NUB1: variants seen among roughly 807,000 people sequenced by gnomAD.
NUB1 encodes the protein negative regulator of ubiquitin like proteins 1, also known as NEDD8 ultimate buster 1.
A neutral mutation model predicts 77.1 loss-of-function variants in NUB1; 41 were observed. That is an observed-to-expected ratio of 0.53 (90% CI 0.41 to 0.69). NUB1 has a LOEUF of 0.69. Ranked by LOEUF, NUB1 falls within the 30% of genes least tolerant of loss-of-function variation. NUB1 has a pLI of 0.00. For synonymous variants in NUB1, 257 were observed against 281.0 expected, an observed-to-expected ratio of 0.91 and a Z score of 0.85; for missense variants, 643 against 743.8, an observed-to-expected ratio of 0.86 and a Z score of 1.58.
Position 151,360,265 on chromosome 7 carries a change from T to C in NUB1, c.800+18T>C, listed in dbSNP as rs1184193484. ...TATTTCTGGTAGGCGCTTTTGTACT[T>C]GGTGAACACCAGCTTTAAGGAAGAT... On this transcript the variant is annotated intron_variant, in intron 8 of 14. Transcript: ENST00000568733. 5 of 1,371,552 alleles carry C rather than the reference T, an allele frequency of 3.6e-6. No individual in the cohort carries two copies. Among genetic ancestry groups the C allele is most frequent in the Non-Finnish European group, 5.2e-6 (5 of 960,262 alleles). The allele number at this position is 1,371,552 out of a possible 1,614,324, so 85.0% of individuals were successfully genotyped here.
intron 12 of NUB1, among the ~76,000 whole-genome samples, chr7:151,375,399 A>C (rs1337202669): frequency 6.6e-6 from 1 of 152,150 alleles, no homozygotes; most frequent in Admixed American, 6.5e-5. Flanking sequence ...TTGGAAAGGA[A>C]AGTCTCCACA....
At chr7:151,365,769 G>GAAAATAAATATAAATATAA (rs1797645394) in intron 8 of NUB1, among the ~76,000 whole-genome samples, 7 of 152,304 alleles carry the variant, frequency 4.6e-5, no homozygotes, top group African/African-American at 1.2e-4. Flanking sequence ...TGAGAGAGAT[G>GAAAATAAATATAAATATAA]AAAATAAATA....
Position 151,356,146 on chromosome 7 carries a change from A to T in NUB1, c.617A>T (p.Asp206Val), listed in dbSNP as rs780626926. The change falls in exon 7 of 15, where the codon GAT becomes GTT. Residue 206 changes from aspartate (D) to valine (V), a missense_variant. Physicochemically the swap from Asp to Val is radical, Grantham distance 152 (BLOSUM62 -3). Transcript: ENST00000568733. The part of the protein sequence containing the change: ...LAKRAAETVV[D>V]PEMTPYLDIA... ...GTTACAGCAGCAGAGACAGTGGTGG[A>T]TCCAGAAATGACACCGTACTTAGAC... 1.2e-6 allele frequency: 2 copies of T among 1,613,810 alleles called. No homozygotes were observed. Among genetic ancestry groups the T allele is most frequent in the Non-Finnish European group, 1.7e-6 (2 of 1,179,718 alleles).
intron 1 of NUB1, among the ~76,000 whole-genome samples, chr7:151,344,048 G>C (rs1018088858): frequency 1.3e-5 from 2 of 150,960 alleles, no homozygotes; most frequent in Admixed American, 1.3e-4. Context: ...GGGCGTGGTG[G>C]CGGGCGCCTG....
chr7:151,355,903 A>C lies in NUB1; in HGVS notation c.551A>C (p.Lys184Thr). ...EEQNEAKLKE[K>T]QIQRTKRGLE... ...CAAAATGAGGCCAAACTCAAAGAAA[A>C]ACAAATTCAGAGGACCAAGAGAGGA... is the stretch of plus-strand genomic sequence containing the variant. Residue 184 changes from lysine (K) to threonine (T), a missense_variant, in exon 6 of 15, where the codon AAA (lysine) becomes ACA (threonine). Coordinates refer to ENST00000568733, the MANE Select transcript of NUB1 (RefSeq NM_001243351.2). 6.2e-7 allele frequency: 1 copy of C among 1,613,952 alleles called. No homozygotes were observed. Among genetic ancestry groups the C allele is most frequent in the Non-Finnish European group, 8.5e-7 (1 of 1,179,878 alleles).
intron 13 of NUB1, 62 bp from the exon 14 acceptor site, chr7:151,376,572 C>G (rs736469): frequency 0.17 from 248,104 of 1,474,192 alleles, 23,867 homozygotes; most frequent in East Asian, 0.36. Context: ...ACTCGTATGG[C>G]TGACGGGGGT....
intron 1 of NUB1, among the ~76,000 whole-genome samples, chr7:151,343,991 C>T (rs1796336463): frequency 6.6e-6 from 1 of 151,576 alleles, no homozygotes; most frequent in Non-Finnish European, 1.5e-5. Context: ...ACCATCCTGG[C>T]CAACACGGTG....
At position 151,377,160 on chromosome 7, in the gene NUB1, G is replaced by A; in HGVS notation, c.1783G>A (p.Glu595Lys). Residue 595 changes from glutamate (E) to lysine (K), a missense_variant, in exon 15 of 15, where the codon GAA becomes AAA. By Grantham distance (56) the Glu-to-Lys change is moderately conservative. Transcript: ENST00000568733. ...TCTTGACTCAACTCTGGAAGATGAA[G>A]AAATTATTATTGCAGAGTACCTATC... Reference protein sequence around the residue: ...DYLDSTLEDEEIIIAEYLSYV... With the variant: ...DYLDSTLEDEKIIIAEYLSYV... 6.3e-7 allele frequency: 1 copy of A among 1,590,306 alleles called. No individual in the cohort carries two copies. Among genetic ancestry groups the A allele is most frequent in the Non-Finnish European group, 8.6e-7 (1 of 1,167,082 alleles).
intron 1 of NUB1, among the ~76,000 whole-genome samples, chr7:151,344,541 C>T (rs1021593930): frequency 5.3e-5 from 8 of 150,790 alleles, no homozygotes; most frequent in African/African-American, 9.8e-5. Context: ...AGGCTGGTCT[C>T]GAACTCCTGA....
intron 13 of NUB1, chr7:151,376,418 T>G: frequency 1.8e-6 from 1 of 552,732 alleles, no homozygotes; most frequent in Non-Finnish European, 3.2e-6. Flanking sequence ...TGTCCTGAGA[T>G]GGCTGCTCCC....
Position 151,352,768 on chromosome 7 carries a change from C to T in NUB1, c.345-44C>T, listed in dbSNP as rs202103436. ...AATGTCTTTTTAATGGATAATAAAT[C>T]GCAATTTTGTTTTCCTACAATTTTC... is the stretch of plus-strand genomic sequence containing the variant. On this transcript the variant is annotated intron_variant, in intron 4 of 14. Coordinates refer to ENST00000568733, the MANE Select transcript of NUB1 (RefSeq NM_001243351.2). 736 of 1,240,322 alleles carry T rather than the reference C, an allele frequency of 5.9e-4. 4 individuals carry two copies. The African/African-American group carries it at 6.6e-3, about 11-fold the overall frequency. The allele number at this position is 1,240,322 out of a possible 1,614,324, so 76.8% of individuals were successfully genotyped here.
intron 1 of NUB1, among the ~76,000 whole-genome samples, chr7:151,344,173 T>C (rs1796352279): frequency 4.1e-5 from 2 of 48,360 alleles, no homozygotes; most frequent in Non-Finnish European, 3.6e-5. Context: ...AGAGTGAGAC[T>C]CCCTCTCAAA....
chr7:151,374,768 T>C (rs1357257953), intron 12 of NUB1: 1 of 169,034 alleles, frequency 5.9e-6, no homozygotes, highest in Admixed American at 5.7e-5. Flanking sequence ...TGGAGAAGCA[T>C]ATCGAATCCT....
chr7:151,363,609 A>G (rs1797491462), intron 8 of NUB1, among the ~76,000 whole-genome samples: 1 of 152,146 alleles, frequency 6.6e-6, no homozygotes, highest in Admixed American at 6.6e-5. Flanking sequence ...AGTTTGATGA[A>G]AACTATAAAC....
intron 10 of NUB1, 128 bp downstream of exon 10, chr7:151,368,096 T>C (rs761672527): frequency 4.9e-6 from 3 of 610,232 alleles, no homozygotes; most frequent in Non-Finnish European, 5.8e-6. Context: ...GCACAGGAGA[T>C]GTTGAACCAG....
chr7:151,343,160 G>A (rs1796293180), intron 1 of NUB1, among the ~76,000 whole-genome samples: 1 of 152,164 alleles, frequency 6.6e-6, no homozygotes, highest in South Asian at 2.1e-4. Context: ...AAAAGCTAAC[G>A]CTCTAAGTAC....
intron 7 of NUB1, among the ~76,000 whole-genome samples, chr7:151,356,452 G>T (rs1797066959): frequency 2.0e-5 from 3 of 152,222 alleles, no homozygotes; most frequent in Admixed American, 2.0e-4. Flanking sequence ...TCCTGGAGCA[G>T]TGACTTTCAA....
rs1797057583 is a variant in NUB1 at position 151,356,223 on chromosome 7, G to A, written c.693+1G>A. The stretch of plus-strand genomic sequence containing the variant: ...CAGAATTCCCCCATCAGAAAGAAAA[G>A]TAAGTACTATGAGAAATGTGTGGCC... On this transcript the variant is annotated splice_donor_variant, in intron 7 of 14. Coordinates refer to ENST00000568733, the MANE Select transcript of NUB1 (RefSeq NM_001243351.2). LOFTEE classifies it high-confidence loss of function. 6.2e-7 allele frequency: 1 copy of A among 1,603,654 alleles called. No individual in the cohort carries two copies. The highest frequency in any genetic ancestry group is 8.5e-7 in the Non-Finnish European group (1 of 1,170,668).
chr7:151,343,275 C>A (rs1247026457), intron 1 of NUB1, among the ~76,000 whole-genome samples: 1 of 152,186 alleles, frequency 6.6e-6, no homozygotes, highest in Admixed American at 6.5e-5. Context: ...CTGTGTTATT[C>A]CTTCCTCTCT....
Sources: allele counts gnomAD v4.1 joint callset (sites outside exome capture counted in the v4.1 genomes callset), GRCh38; gene constraint gnomAD v4.1.1; transcripts MANE v1.5; gene names NCBI Gene and HGNC (gene_info 2026-07-23, HGNC 2026-07-21).